The following TICAM2 variants were observed in gnomAD, a reference collection of about 807,000 sequenced individuals.
TICAM2 encodes the protein TIR domain-containing adapter molecule 2.
In TICAM2, 8 loss-of-function variants were observed where a neutral mutation model predicts 7.3. The ratio of observed to expected loss-of-function variants is 1.10; its 90% confidence interval spans 0.65 to 1.99. The LOEUF is 1.99. Ranked by LOEUF, TICAM2 falls within the 30% of genes most tolerant of loss-of-function variation. The pLI, the probability that TICAM2 is intolerant of heterozygous loss-of-function variation, is 0.00. For synonymous variants in TICAM2, 113 were observed against 99.6 expected, an observed-to-expected ratio of 1.13 and a Z score of -0.80; for missense variants, 304 against 278.8, an observed-to-expected ratio of 1.09 and a Z score of -0.65.
chr5:115,595,260 G>A (rs942938482), intron 1 of TICAM2, among the ~76,000 whole-genome samples: 1 of 152,086 alleles, frequency 6.6e-6, no homozygotes, highest in East Asian at 1.9e-4. Flanking sequence ...TCTCTGCCTT[G>A]GTCAATGATA....
chr5:115,596,453 T>G (rs1221549131), intron 1 of TICAM2, among the ~76,000 whole-genome samples: 1 of 152,238 alleles, frequency 6.6e-6, no homozygotes, highest in Non-Finnish European at 1.5e-5. Context: ...TTCTCCACTT[T>G]GTTCCTCCAG....
Position 115,580,459 on chromosome 5 carries a change from T to G in TICAM2, c.*90A>C. 7.1e-7 allele frequency: 1 copy of G among 1,404,186 alleles called. No individual in the cohort carries two copies. Among genetic ancestry groups the G allele is most frequent in the Non-Finnish European group, 9.3e-7 (1 of 1,075,368 alleles). The allele number at this position is 1,404,186 out of a possible 1,614,324, so 87.0% of individuals were successfully genotyped here. A position where few individuals can be genotyped will look rare whatever the true frequency, so the allele number is the denominator to read the frequency against. Reference sequence around the variant, plus strand: ...TCTTTAAGGTGAAGACTCTCTTTTATTTAAACATTTCCTAGAAACTGCTTT... The same window carrying G: ...TCTTTAAGGTGAAGACTCTCTTTTAGTTAAACATTTCCTAGAAACTGCTTT... On this transcript the variant is annotated 3_prime_UTR_variant, in exon 2 of 2. Transcript: ENST00000427199.
intron 1 of TICAM2, 125 bp downstream of exon 1, chr5:115,601,972 G>T (rs540024325): frequency 6.6e-6 from 1 of 152,342 alleles, no homozygotes; most frequent in South Asian, 2.1e-4. Context: ...GCGCCGTCGG[G>T]TCGGGTAGGC....
chr5:115,592,770 T>G (rs1456101152), intron 1 of TICAM2, among the ~76,000 whole-genome samples: 1 of 152,112 alleles, frequency 6.6e-6, no homozygotes, highest in African/African-American at 2.4e-5. Context: ...GAAAAATGGA[T>G]CCTTTTTAAA....
chr5:115,592,410 G>C (rs894023698), intron 1 of TICAM2, among the ~76,000 whole-genome samples: 3 of 152,122 alleles, frequency 2.0e-5, no homozygotes, highest in African/African-American at 7.2e-5. Flanking sequence ...TACTACATAG[G>C]TAAATGTGTG....
At chr5:115,598,800 A>G (rs960396050) in intron 1 of TICAM2, among the ~76,000 whole-genome samples, 1 of 152,216 alleles carries the variant, frequency 6.6e-6, no homozygotes, top group Admixed American at 6.5e-5. Context: ...GGGTGATAGT[A>G]CATACGCTAC....
At chr5:115,592,236 A>T (rs1470094845) in intron 1 of TICAM2, among the ~76,000 whole-genome samples, 2 of 152,252 alleles carry the variant, frequency 1.3e-5, no homozygotes, top group African/African-American at 4.8e-5. Context: ...TAATAAAAAG[A>T]TTATGACCAA....
chr5:115,589,863 GT>G (rs1197348223), intron 1 of TICAM2, among the ~76,000 whole-genome samples: 1 of 152,182 alleles, frequency 6.6e-6, no homozygotes, highest in Non-Finnish European at 1.5e-5. Context: ...GAAATGCTTT[GT>G]GAATGAATAA....
intron 1 of TICAM2, among the ~76,000 whole-genome samples, chr5:115,588,470 G>A (rs1755191584): frequency 6.6e-6 from 1 of 152,186 alleles, no homozygotes. Context: ...ATTATATTGG[G>A]AGATAGCATG....
intron 1 of TICAM2, among the ~76,000 whole-genome samples, chr5:115,601,768 G>C (rs528334664): frequency 9.8e-5 from 15 of 152,348 alleles, no homozygotes; most frequent in East Asian, 3.9e-4. Context: ...GTGCCTGGCA[G>C]GGGCTCATGC....
At chr5:115,587,415 C>T (rs545973955) in intron 1 of TICAM2, among the ~76,000 whole-genome samples, 9 of 152,260 alleles carry the variant, frequency 5.9e-5, no homozygotes, top group African/African-American at 2.2e-4. Context: ...TGGAAGATGG[C>T]ATACCATTAT....
chr5:115,582,168 A>T (rs911244423), intron 1 of TICAM2, among the ~76,000 whole-genome samples: 2 of 151,616 alleles, frequency 1.3e-5, no homozygotes, highest in African/African-American at 4.9e-5. Flanking sequence ...TTATTTATTT[A>T]TTTTTTGAGA....
chr5:115,588,863 T>C (rs1485278673), intron 1 of TICAM2, among the ~76,000 whole-genome samples: 1 of 152,208 alleles, frequency 6.6e-6, no homozygotes, highest in Non-Finnish European at 1.5e-5. Context: ...CTTCTGAGTA[T>C]GCCAAAAGCC....
At position 115,584,804 on chromosome 5, in the gene TICAM2, T is replaced by A. The variant is rs567759365; in HGVS notation, c.-59-3489A>T. On this transcript the variant is annotated intron_variant, in intron 1 of 1. Coordinates refer to ENST00000427199, the MANE Select transcript of TICAM2 (RefSeq NM_021649.7). Reference sequence around the variant, plus strand: ...TTAAACTAAAGTTCTGAAGGGAAGATCAATAGGCCTGAGATAAGAAGGAAG... The same window carrying A: ...TTAAACTAAAGTTCTGAAGGGAAGAACAATAGGCCTGAGATAAGAAGGAAG... Among the ~76,000 whole-genome samples the A allele has an allele frequency of 2.6e-5, 4 of 152,146 alleles. No homozygotes were observed. In the East Asian group the frequency reaches 7.7e-4, roughly 29 times the overall value.
chr5:115,586,913 G>A (rs1029754873), intron 1 of TICAM2, among the ~76,000 whole-genome samples: 1 of 152,106 alleles, frequency 6.6e-6, no homozygotes, highest in Non-Finnish European at 1.5e-5. Context: ...AGAATATCAG[G>A]TGCCATGAAA....
At position 115,602,167 on chromosome 5, in the gene TICAM2, A is replaced by T. The variant is rs778305967; in HGVS notation, c.-130T>A. On this transcript the variant is annotated 5_prime_UTR_variant, in exon 1 of 2. Coordinates refer to ENST00000427199, the MANE Select transcript of TICAM2 (RefSeq NM_021649.7). ...CCTTTCTGGCCCAGCGAGAGCGCCC[A>T]GGGGGTGGGCGTCTTGCCCCGGGCG... 3.3e-5 allele frequency: 5 copies of T among 152,222 alleles called. No individual in the cohort carries two copies. The highest frequency in any genetic ancestry group is 7.3e-5 in the Non-Finnish European group (5 of 68,082). The allele number at this position is 152,222 out of a possible 1,614,324, so 9.4% of individuals were successfully genotyped here.
At chr5:115,598,116 C>A (rs187445158) in intron 1 of TICAM2, among the ~76,000 whole-genome samples, 11 of 152,128 alleles carry the variant, frequency 7.2e-5, no homozygotes, top group African/African-American at 2.4e-4. Context: ...AATAAAAATT[C>A]ATTTTCTAGG....
At chr5:115,583,567 AC>A (rs1445829834) in intron 1 of TICAM2, among the ~76,000 whole-genome samples, 1 of 152,178 alleles carries the variant, frequency 6.6e-6, no homozygotes, top group Non-Finnish European at 1.5e-5. Context: ...ATAAAACTTT[AC>A]CATCATCTTC....
rs776792525 is a variant in TICAM2, at chr5:115,579,621, T to A, written c.*928A>T. On this transcript the variant is annotated 3_prime_UTR_variant, in exon 2 of 2. Transcript: ENST00000427199. ...AGGTAATAAAATACATCTCCTTCTA[T>A]CCAAAGTCTTTATAAATAACCTATC... 8 of 152,192 alleles carry A rather than the reference T, an allele frequency of 5.3e-5. No individual in the cohort carries two copies. Among genetic ancestry groups the A allele is most frequent in the African/African-American group, 9.7e-5 (4 of 41,442 alleles). 9.4% of individuals were successfully genotyped at this position (152,192 alleles called of 1,614,324 possible).
Sources: allele counts gnomAD v4.1 joint callset (sites outside exome capture counted in the v4.1 genomes callset), GRCh38; gene constraint gnomAD v4.1.1; transcripts MANE v1.5; gene names NCBI Gene and HGNC (gene_info 2026-07-23, HGNC 2026-07-21).